The following WDR41 variants were observed in gnomAD, a reference collection of about 807,000 sequenced individuals.
The protein encoded by WDR41 is WD repeat domain 41.
A neutral mutation model predicts 69.3 loss-of-function variants in WDR41; 63 were observed. That is an observed-to-expected ratio of 0.91 (90% confidence interval 0.74 to 1.12). The LOEUF (loss-of-function observed/expected upper bound fraction) is 1.12. Ranked by LOEUF, WDR41 falls within the 50% of genes most tolerant of loss-of-function variation. The probability of loss-of-function intolerance (pLI) is 0.00; values close to 1 mark genes in which losing one functional copy is unlikely to be tolerated. For synonymous variants in WDR41, 185 were observed against 192.1 expected (o/e 0.96, Z 0.31); for missense variants, 543 against 534.5 (o/e 1.02, Z -0.16).
intron 1 of WDR41, among the ~76,000 whole-genome samples, chr5:77,588,954 C>T (rs1201244153): frequency 6.6e-6 from 1 of 152,170 alleles, no homozygotes; most frequent in Non-Finnish European, 1.5e-5. Flanking sequence ...TTCAGCACTA[C>T]TCTTTGTGGC....
At chr5:77,514,389 G>A (rs1802261670) in intron 1 of WDR41, among the ~76,000 whole-genome samples, 1 of 152,108 alleles carries the variant, frequency 6.6e-6, no homozygotes, top group Non-Finnish European at 1.5e-5. Flanking sequence ...AATTAGCAAT[G>A]CCTGTCTTAA....
At chr5:77,522,192 A>C (rs957725699) in intron 1 of WDR41, among the ~76,000 whole-genome samples, 2 of 152,246 alleles carry the variant, frequency 1.3e-5, no homozygotes, top group African/African-American at 4.8e-5. Flanking sequence ...GCAGATGTAC[A>C]GATAGGCTGT....
chr5:77,464,754 T>C lies in WDR41; in HGVS notation c.216+7A>G. On this transcript the variant is annotated splice_region_variant and intron_variant, in intron 3 of 12. Coordinates refer to ENST00000296679, the MANE Select transcript of WDR41 (RefSeq NM_018268.4). ...TATCACACAATCCACACATAATCAATACACACCTGGGCATTCCACACAACT... is the reference window on the plus strand; with the variant it reads ...TATCACACAATCCACACATAATCAACACACACCTGGGCATTCCACACAACT... 1 of 1,613,598 alleles carries C rather than the reference T, an allele frequency of 6.2e-7. No individual in the cohort carries two copies. The highest frequency in any genetic ancestry group is 2.2e-5 in the East Asian group (1 of 44,826).
In WDR41 at chr5:77,549,953, C is replaced by A. The variant is rs148145899; in HGVS notation, c.43-60381G>T. Among the ~76,000 whole-genome samples the A allele has an allele frequency of 1.3e-3, 200 of 151,996 alleles. 4 individuals carry two copies. The East Asian group carries it at 0.03, about 23-fold the overall frequency. The stretch of plus-strand genomic sequence containing the variant: ...AGAAATAAAGCTGCACACCTGCAAC[C>A]ATCTGATATTCAAAAAAGTTGACAA... On this transcript the variant is annotated intron_variant, in intron 1 of 5. Transcript: ENST00000509971.
chr5:77,451,190 G>T, intron 7 of WDR41, 101 bp downstream of exon 7: 1 of 1,037,262 alleles, frequency 9.6e-7, no homozygotes, highest in Non-Finnish European at 1.5e-6. Flanking sequence ...CAAGAGTGGG[G>T]CACACGCAAT....
At chr5:77,499,567 A>T (rs558480613) in intron 1 of WDR41, 8 of 152,210 alleles carry the variant, frequency 5.3e-5, no homozygotes, top group African/African-American at 1.7e-4. Context: ...AAAAGAGTGC[A>T]TCCAAACCCA....
upstream of WDR41, among the ~76,000 whole-genome samples, chr5:77,493,542 C>T (rs1440296451): frequency 6.6e-6 from 1 of 152,136 alleles, no homozygotes; most frequent in Non-Finnish European, 1.5e-5. Flanking sequence ...ACTCGGATCT[C>T]CTATAATTCA....
rs943406017 is a variant in WDR41, at chr5:77,431,834, A to G, written c.*1301T>C. On this transcript the variant is annotated 3_prime_UTR_variant, in exon 13 of 13. Coordinates refer to ENST00000296679, the MANE Select transcript of WDR41 (RefSeq NM_018268.4). ...CTTAAGTTTTAATATTTCTCCATAG[A>G]ACTTTTCATGACTCAATGTTGTTTG... is the stretch of plus-strand genomic sequence containing the variant. The G allele has an allele frequency of 3.3e-5, 5 of 152,062 alleles. No homozygotes were observed. The highest frequency in any genetic ancestry group is 1.2e-4 in the African/African-American group (5 of 41,402). The allele number at this position is 152,062 out of a possible 1,614,324, so 9.4% of individuals were successfully genotyped here. A position where few individuals can be genotyped will look rare whatever the true frequency, so the allele number is the denominator to read the frequency against.
chr5:77,590,489 C>T (rs1208487667), intron 1 of WDR41, among the ~76,000 whole-genome samples: 2 of 152,146 alleles, frequency 1.3e-5, no homozygotes, highest in Non-Finnish European at 2.9e-5. Context: ...GCCTTACAAG[C>T]CTCGAAGGAT....
intron 1 of WDR41, among the ~76,000 whole-genome samples, chr5:77,564,048 T>A (rs1387637461): frequency 6.6e-6 from 1 of 152,194 alleles, no homozygotes; most frequent in East Asian, 1.9e-4. Flanking sequence ...CTATAAAATA[T>A]GCATAATACC....
At chr5:77,555,618 T>A (rs1743376344) in intron 1 of WDR41, among the ~76,000 whole-genome samples, 2 of 152,172 alleles carry the variant, frequency 1.3e-5, no homozygotes, top group Non-Finnish European at 2.9e-5. Context: ...CCTGTAATTA[T>A]CTTTAAAAAA....
intron 2 of WDR41, among the ~76,000 whole-genome samples, chr5:77,482,015 G>C (rs905301252): frequency 1.3e-5 from 2 of 151,980 alleles, no homozygotes; most frequent in African/African-American, 4.8e-5. Flanking sequence ...TTTTAAATTG[G>C]CATTTTTATT....
rs955906506 is a variant in WDR41, at chr5:77,596,422, G to A, written c.42+24057C>T. 2.6e-4 allele frequency among the ~76,000 whole-genome samples: 40 copies of A among 152,104 alleles called. 1 individual carries two copies. The highest frequency in any genetic ancestry group is 1.6e-3 in the Admixed American group (24 of 15,262). On this transcript the variant is annotated intron_variant, in intron 1 of 5. Transcript: ENST00000509971. Reference sequence around the variant, plus strand: ...TGGGATTACAGGCATGAGCCTCCACGCCTGGCTGAATTCTTTTTTAAGTAG... The same window carrying A: ...TGGGATTACAGGCATGAGCCTCCACACCTGGCTGAATTCTTTTTTAAGTAG...
intron 2 of WDR41, among the ~76,000 whole-genome samples, chr5:77,478,103 CA>C (rs1801036836): frequency 6.6e-6 from 1 of 152,148 alleles, no homozygotes; most frequent in South Asian, 2.1e-4. Context: ...TCGACACATA[CA>C]CCCTCCCAAG....
chr5:77,523,920 T>C (rs1802409720), intron 1 of WDR41, among the ~76,000 whole-genome samples: 1 of 152,230 alleles, frequency 6.6e-6, no homozygotes, highest in Non-Finnish European at 1.5e-5. Context: ...GATCCTTTTA[T>C]TAAAGAGAAA....
intron 1 of WDR41, among the ~76,000 whole-genome samples, chr5:77,502,854 C>T (rs1802041230): frequency 6.6e-6 from 1 of 152,192 alleles, no homozygotes; most frequent in Admixed American, 6.5e-5. Context: ...CTTACAAGAG[C>T]TCCTGAAGGA....
upstream of WDR41, among the ~76,000 whole-genome samples, chr5:77,494,739 T>C (rs1443765100): frequency 6.6e-6 from 1 of 152,156 alleles, no homozygotes; most frequent in Non-Finnish European, 1.5e-5. Context: ...CCACTTTCAA[T>C]AATAGATAGA....
chr5:77,537,547 C>T (rs1743011059), intron 1 of WDR41, among the ~76,000 whole-genome samples: 1 of 152,118 alleles, frequency 6.6e-6, no homozygotes, highest in Non-Finnish European at 1.5e-5. Context: ...CCTAGTTGTT[C>T]AGTACCTGGC....
At chr5:77,478,134 C>G (rs1315491045) in intron 2 of WDR41, among the ~76,000 whole-genome samples, 3 of 152,060 alleles carry the variant, frequency 2.0e-5, no homozygotes, top group Non-Finnish European at 4.4e-5. Context: ...GGAAGAAGTT[C>G]AATCTCTGAA....
Sources: allele counts gnomAD v4.1 joint callset (sites outside exome capture counted in the v4.1 genomes callset), GRCh38; gene constraint gnomAD v4.1.1; transcripts MANE v1.5; gene names NCBI Gene and HGNC (gene_info 2026-07-23, HGNC 2026-07-21).